TMPRSS9: variants seen among roughly 807,000 people sequenced by gnomAD.
TMPRSS9 encodes transmembrane serine protease 9.
Under a neutral mutation model 111.4 loss-of-function variants are expected in TMPRSS9, and 113 were observed. That is an observed-to-expected ratio of 1.01 (90% CI 0.87 to 1.19). The LOEUF (loss-of-function observed/expected upper bound fraction) is 1.19, where lower values mean the gene tolerates loss of function less well. Ranked by LOEUF, TMPRSS9 falls within the 50% of genes most tolerant of loss-of-function variation. The pLI, the probability that TMPRSS9 is intolerant of heterozygous loss-of-function variation, is 0.00. For synonymous variants in TMPRSS9, 805 were observed against 659.1 expected, an observed-to-expected ratio of 1.22 and a Z score of -3.39; for missense variants, 1,803 against 1,513.1, an observed-to-expected ratio of 1.19 and a Z score of -3.18.
chr19:2,418,159 A>G, intron 13 of TMPRSS9, 21 bp downstream of exon 14: 1 of 1,586,794 alleles, frequency 6.3e-7, no homozygotes, highest in Non-Finnish European at 8.6e-7. Flanking sequence ...AAAGGGGGAA[A>G]GCGGGCAATA....
chr19:2,425,820 G>A (rs1006547208), intron 17 of TMPRSS9, 107 bp from the exon 19 acceptor site: 5 of 1,418,244 alleles, frequency 3.5e-6, no homozygotes, highest in African/African-American at 1.5e-5. Flanking sequence ...GTGAAAATGC[G>A]GCTCCCAGGG....
intron 1 of TMPRSS9, 73 bp downstream of exon 2, chr19:2,390,000 G>C (rs1185491116): frequency 6.5e-7 from 1 of 1,544,160 alleles, no homozygotes; most frequent in Non-Finnish European, 8.8e-7. Flanking sequence ...GTGACTTGAT[G>C]GTGTCTCCTT....
intron 1 of TMPRSS9, among the ~76,000 whole-genome samples, chr19:2,379,620 T>TCTTTCTTTCTTC (rs1970367121): frequency 9.5e-6 from 1 of 104,936 alleles, no homozygotes; most frequent in African/African-American, 4.2e-5. Context: ...TCTTTCTCTT[T>TCTTTCTTTCTTC]CTTTCTTTCT....
chr19:2,382,571 G>A (rs1170627731), intron 1 of TMPRSS9, among the ~76,000 whole-genome samples: 1 of 150,690 alleles, frequency 6.6e-6, no homozygotes, highest in Non-Finnish European at 1.5e-5. Flanking sequence ...TATACGCACA[G>A]ATGCACACAC....
At chr19:2,387,697 A>G (rs1970506365), upstream of TMPRSS9, among the ~76,000 whole-genome samples, 1 of 152,044 alleles carries the variant, frequency 6.6e-6, no homozygotes, top group African/African-American at 2.4e-5. Context: ...GTGAGCCGAG[A>G]TCGCACCACA....
intron 1 of TMPRSS9, among the ~76,000 whole-genome samples, chr19:2,371,120 G>T (rs536137978): frequency 2.6e-5 from 4 of 152,294 alleles, no homozygotes; most frequent in African/African-American, 9.6e-5. Context: ...GCTCACTCCT[G>T]TTTGAAAACA....
At chr19:2,374,732 G>A (rs2145251537) in intron 1 of TMPRSS9, among the ~76,000 whole-genome samples, 1 of 152,206 alleles carries the variant, frequency 6.6e-6, no homozygotes, top group South Asian at 2.1e-4. Context: ...ACCACCGGCT[G>A]GCTCTGGCCC....
chr19:2,385,968 T>C (rs1803218506), upstream of TMPRSS9, among the ~76,000 whole-genome samples: 1 of 152,072 alleles, frequency 6.6e-6, no homozygotes, highest in Non-Finnish European at 1.5e-5. Flanking sequence ...TACTAGAGAC[T>C]GGGTGTTGCT....
chr19:2,385,721 CA>C (rs1383331272), upstream of TMPRSS9, among the ~76,000 whole-genome samples: 1 of 151,966 alleles, frequency 6.6e-6, no homozygotes, highest in African/African-American at 2.4e-5. Context: ...GGTGTGGTGG[CA>C]TGCCTGTAGT....
intron 2 of TMPRSS9, among the ~76,000 whole-genome samples, chr19:2,397,287 A>T (rs563022285): frequency 6.6e-6 from 1 of 151,030 alleles, no homozygotes; most frequent in African/African-American, 2.4e-5. Context: ...AGCTGGGGGA[A>T]GGTATTTTAT....
chr19:2,362,246 CGAT>C (rs1555763596), intron 1 of TMPRSS9, among the ~76,000 whole-genome samples: 1 of 151,036 alleles, frequency 6.6e-6, no homozygotes, highest in Non-Finnish European at 1.5e-5. Flanking sequence ...GGTTGTGTGT[CGAT>C]GGCTGTATAA....
upstream of TMPRSS9, among the ~76,000 whole-genome samples, chr19:2,385,701 AAAT>A (rs1238321633): frequency 6.6e-6 from 1 of 151,922 alleles, no homozygotes; most frequent in Admixed American, 6.6e-5. Flanking sequence ...GAGTATAAAA[AAAT>A]TAACCGGGTG....
intron 1 of TMPRSS9, among the ~76,000 whole-genome samples, chr19:2,390,954 G>A (rs1289775560): frequency 2.0e-5 from 3 of 151,064 alleles, no homozygotes; most frequent in Non-Finnish European, 4.4e-5. Context: ...AGATCATGAG[G>A]TCAGGAGTTC....
exon 4 of TMPRSS9, chr19:2,399,040 G>A (rs1275144262): frequency 5.0e-6 from 8 of 1,612,272 alleles, no homozygotes; most frequent in South Asian, 3.3e-5. Flanking sequence ...CAGTGTCCTC[G>A]TACATTTCCA....
chr19:2,397,504 G>C (rs1020244759), intron 2 of TMPRSS9, among the ~76,000 whole-genome samples: 7 of 152,246 alleles, frequency 4.6e-5, no homozygotes, highest in African/African-American at 1.4e-4. Flanking sequence ...ACTCAGCCAG[G>C]AAAAGGGGCC....
At chr19:2,378,487 A>C (rs1361411205) in intron 1 of TMPRSS9, among the ~76,000 whole-genome samples, 3 of 151,752 alleles carry the variant, frequency 2.0e-5, no homozygotes, top group African/African-American at 7.3e-5. Flanking sequence ...TGGGAGGCCA[A>C]GGTGAGTGGA....
rs574359661 is a variant in TMPRSS9, at chr19:2,419,204, C to G, written c.2154+1066C>G. Among the ~76,000 whole-genome samples the G allele has an allele frequency of 2.2e-5, 3 of 135,120 alleles. 1 individual carries two copies. Among genetic ancestry groups the G allele is most frequent in the Admixed American group, 1.7e-4 (2 of 12,102 alleles). The allele number at this position is 135,120 out of a possible 152,430, so 88.6% of individuals were successfully genotyped here. ...TCCTTCTCTCTCTCTCTCTGTCTTT[C>G]TCTCTGTTTCTTTCTTTCTGACGGA... On this transcript the variant is annotated intron_variant, in intron 13 of 17. Transcript: ENST00000648592.
chr19:2,405,822 C>T (rs1186094623), intron 7 of TMPRSS9, among the ~76,000 whole-genome samples: 1 of 150,216 alleles, frequency 6.7e-6, no homozygotes, highest in Non-Finnish European at 1.5e-5. Context: ...TCTCCTGCCT[C>T]AGCCTCCCGA....
At chr19:2,401,546 G>A (rs1970847523) in intron 4 of TMPRSS9, among the ~76,000 whole-genome samples, 1 of 152,090 alleles carries the variant, frequency 6.6e-6, no homozygotes, top group Non-Finnish European at 1.5e-5. Flanking sequence ...TGACGCCAGG[G>A]TGGACAAGGC....
Sources: allele counts gnomAD v4.1 joint callset (sites outside exome capture counted in the v4.1 genomes callset), GRCh38; gene constraint gnomAD v4.1.1; transcripts MANE v1.5; gene names NCBI Gene and HGNC (gene_info 2026-07-23, HGNC 2026-07-21).